DYNC2LI1: variants seen among roughly 807,000 people sequenced by gnomAD.
The protein encoded by DYNC2LI1 is dynein cytoplasmic 2 light intermediate chain 1.
Under a neutral mutation model 51.9 loss-of-function variants are expected in DYNC2LI1, and 45 were observed. That is an observed-to-expected ratio of 0.87 (90% CI 0.68 to 1.11). The LOEUF (loss-of-function observed/expected upper bound fraction) is 1.11. Among genes scored for constraint, DYNC2LI1 ranks in the 50% most tolerant of loss-of-function variants. The pLI is 0.00. For missense variants in DYNC2LI1, 490 were observed against 417.4 expected (o/e 1.17, Z -1.51); for synonymous variants, 130 against 137.8 (o/e 0.94, Z 0.40).
the DYNC2LI1 span, chr2:43,825,160 G>A: frequency 9.9e-7 from 1 of 1,008,192 alleles, no homozygotes; most frequent in Non-Finnish European, 1.5e-6. Context: ...TTTCCCATAA[G>A]CAGTCAGTCC....
chr2:43,807,743 C>CAAAAAAAAAAA (rs536977133), intron 12 of DYNC2LI1, among the ~76,000 whole-genome samples: 1 of 41,618 alleles, frequency 2.4e-5, no homozygotes, highest in African/African-American at 7.2e-5. Context: ...TTTGTTAAAG[C>CAAAAAAAAAAA]AAAAAAAAAA....
chr2:43,789,777 A>C, intron 5 of DYNC2LI1, 56 bp downstream of exon 5: 1 of 1,488,376 alleles, frequency 6.7e-7, no homozygotes, highest in East Asian at 2.3e-5. Flanking sequence ...CCCTAGGAGG[A>C]ATATGAGTTG....
the DYNC2LI1 span, among the ~76,000 whole-genome samples, chr2:43,820,429 A>C: frequency 6.6e-6 from 1 of 152,184 alleles, no homozygotes; most frequent in Admixed American, 6.5e-5. Flanking sequence ...AGGCATCTTC[A>C]TAAATAACCA....
At chr2:43,823,116 TCTA>T in the DYNC2LI1 span, among the ~76,000 whole-genome samples, 11 of 152,068 alleles carry the variant, frequency 7.2e-5, no homozygotes, top group Non-Finnish European at 1.6e-4. Flanking sequence ...ACCCCGGAAA[TCTA>T]CACTCTACCA....
chr2:43,777,051 A>G (rs1453115003), intron 2 of DYNC2LI1, 152 bp downstream of exon 2: 18 of 439,398 alleles, frequency 4.1e-5, no homozygotes. Context: ...TTATTAATCT[A>G]GGAAAAACTA....
chr2:43,826,568 G>A, the DYNC2LI1 span: 1 of 1,613,592 alleles, frequency 6.2e-7, no homozygotes, highest in Non-Finnish European at 8.5e-7. Flanking sequence ...CAGAGCCCAG[G>A]CTCTGTGCTT....
At chr2:43,786,314 T>A (rs1190156396) in intron 3 of DYNC2LI1, among the ~76,000 whole-genome samples, 1 of 152,102 alleles carries the variant, frequency 6.6e-6, no homozygotes, top group African/African-American at 2.4e-5. Flanking sequence ...TTCTCCCACC[T>A]CAGCCTCCTG....
At chr2:43,823,986 C>T in the DYNC2LI1 span, 731 of 1,614,216 alleles carry the variant, frequency 4.5e-4, 2 homozygotes, top group Admixed American at 2.2e-3. Context: ...CTACGCGGTC[C>T]TGGATAGCAC....
chr2:43,813,715 T>A (rs1239584087), downstream of DYNC2LI1, among the ~76,000 whole-genome samples: 33 of 122,490 alleles, frequency 2.7e-4, no homozygotes, highest in African/African-American at 8.8e-4. Flanking sequence ...TTTCGTTTTT[T>A]TTTTTTTTTT....
the DYNC2LI1 span, among the ~76,000 whole-genome samples, chr2:43,815,508 C>T: frequency 6.6e-6 from 1 of 152,192 alleles, no homozygotes; most frequent in Non-Finnish European, 1.5e-5. Flanking sequence ...TTTATGGTTT[C>T]ACCTATTTGC....
At position 43,793,108 on chromosome 2, in the gene DYNC2LI1, A is replaced by G. The variant is rs151336567; in HGVS notation, c.321-1349A>G. 958 of 188,284 alleles carry G rather than the reference A, an allele frequency of 5.1e-3. 8 individuals carry two copies. Among genetic ancestry groups the G allele is most frequent in the African/African-American group, 0.021 (911 of 42,526 alleles). 11.7% of individuals were successfully genotyped at this position (188,284 alleles called of 1,614,324 possible). ...TTACACAGTGGCTGCACCATTTTAC[A>G]TTCCCATAAGCAATGTACAGGGGTT... On this transcript the variant is annotated intron_variant, in intron 5 of 12. Coordinates refer to ENST00000260605, the MANE Select transcript of DYNC2LI1 (RefSeq NM_016008.4).
chr2:43,779,516 C>T (rs17031514), intron 2 of DYNC2LI1, among the ~76,000 whole-genome samples: 13,098 of 152,128 alleles, frequency 0.086, 656 homozygotes, highest in Middle Eastern at 0.15. Flanking sequence ...AGGCATTCTC[C>T]CTGGGAAGCA....
chr2:43,823,950 G>A, the DYNC2LI1 span: 6 of 1,614,048 alleles, frequency 3.7e-6, no homozygotes, highest in Non-Finnish European at 5.1e-6. Context: ...TGTACGGGGT[G>A]GCGCCCACAA....
Position 43,809,856 on chromosome 2 carries a change from G to C in DYNC2LI1, c.*89G>C. 6.6e-7 allele frequency: 1 copy of C among 1,504,198 alleles called. No homozygotes were observed. Among genetic ancestry groups the C allele is most frequent in the Non-Finnish European group, 8.9e-7 (1 of 1,128,404 alleles). The allele number at this position is 1,504,198 out of a possible 1,614,324, so 93.2% of individuals were successfully genotyped here. On this transcript the variant is annotated 3_prime_UTR_variant, in exon 13 of 13. Coordinates refer to ENST00000260605, the MANE Select transcript of DYNC2LI1 (RefSeq NM_016008.4). The stretch of plus-strand genomic sequence containing the variant: ...ATTAACTATTGTGGCAATATGTGAA[G>C]AAAGTTAAACTGTATAATTTGTTAA...
chr2:43,804,813 C>T (rs1167239943), intron 11 of DYNC2LI1, 74 bp downstream of exon 11: 2 of 864,610 alleles, frequency 2.3e-6, no homozygotes, highest in South Asian at 2.2e-5. Context: ...TGTCAAAGGG[C>T]TTATTATGAT....
chr2:43,779,084 A>G (rs1395657749), intron 2 of DYNC2LI1, among the ~76,000 whole-genome samples: 1 of 151,990 alleles, frequency 6.6e-6, no homozygotes, highest in Non-Finnish European at 1.5e-5. Context: ...GGCAAAACCC[A>G]GTCTCCCCCC....
At chr2:43,810,237 T>G (rs959654275), downstream of DYNC2LI1, 14 of 554,054 alleles carry the variant, frequency 2.5e-5, no homozygotes, top group Non-Finnish European at 4.6e-6. Flanking sequence ...AAGAAGCACC[T>G]GAAATAGGAG....
chr2:43,806,312 C>A (rs1318936904), intron 12 of DYNC2LI1, among the ~76,000 whole-genome samples: 2 of 152,212 alleles, frequency 1.3e-5, no homozygotes, highest in African/African-American at 4.8e-5. Context: ...GCCCCAGCAA[C>A]TTCTCAGGTG....
At chr2:43,823,787 A>C in the DYNC2LI1 span, 1 of 1,105,214 alleles carries the variant, frequency 9.0e-7, no homozygotes, top group South Asian at 1.6e-5. Flanking sequence ...CCAGAGAGGG[A>C]ACCTGGAGAG....
Sources: allele counts gnomAD v4.1 joint callset (sites outside exome capture counted in the v4.1 genomes callset), GRCh38; gene constraint gnomAD v4.1.1; transcripts MANE v1.5; gene names NCBI Gene and HGNC (gene_info 2026-07-23, HGNC 2026-07-21).